ROR1: variants seen among roughly 807,000 people sequenced by gnomAD.
The protein encoded by ROR1 is inactive tyrosine-protein kinase transmembrane receptor ROR1.
A neutral mutation model predicts 78.8 loss-of-function variants in ROR1; 19 were observed. The observed-to-expected ratio is 0.24, with a 90% CI of 0.17 to 0.35. The LOEUF (loss-of-function observed/expected upper bound fraction) is 0.35, where lower values mean the gene tolerates loss of function less well. Ranked by LOEUF, ROR1 falls within the 10% of genes least tolerant of loss-of-function variation. ROR1 has a pLI of 1.00. For missense variants in ROR1, 917 were observed against 1,177.8 expected (o/e 0.78, Z 3.24); for synonymous variants, 386 against 433.6 (o/e 0.89, Z 1.36).
intron 2 of ROR1, among the ~76,000 whole-genome samples, chr1:64,035,396 A>C (rs1646694062): frequency 1.3e-5 from 2 of 152,174 alleles, no homozygotes; most frequent in Non-Finnish European, 2.9e-5. Context: ...TATATGCGAT[A>C]CCTTTCAGGG....
intron 1 of ROR1, chr1:63,843,165 G>T: frequency 9.6e-7 from 1 of 1,046,976 alleles, no homozygotes; most frequent in Non-Finnish European, 1.5e-6. Flanking sequence ...GCTGCCAGAT[G>T]CTCCAGGCAG....
intron 1 of ROR1, among the ~76,000 whole-genome samples, chr1:63,929,452 A>G (rs539178668): frequency 2.6e-5 from 4 of 152,224 alleles, no homozygotes; most frequent in Admixed American, 2.0e-4. Context: ...GGTTGCTTTC[A>G]TAAAACTTTG....
At chr1:63,958,961 T>A (rs1285274862) in intron 1 of ROR1, among the ~76,000 whole-genome samples, 1 of 152,088 alleles carries the variant, frequency 6.6e-6, no homozygotes, top group Admixed American at 6.6e-5. Context: ...AAACTAGAGA[T>A]CTGTTAGTAA....
At chr1:63,842,962 A>T (rs1222487657) in intron 1 of ROR1, among the ~76,000 whole-genome samples, 1 of 152,080 alleles carries the variant, frequency 6.6e-6, no homozygotes, top group Non-Finnish European at 1.5e-5. Context: ...TCAACCCAAG[A>T]GGAATAAGAA....
At chr1:64,063,265 A>T (rs778556711) in intron 4 of ROR1, among the ~76,000 whole-genome samples, 34 of 152,190 alleles carry the variant, frequency 2.2e-4, no homozygotes, top group Non-Finnish European at 4.6e-4. Context: ...TCGTCAACTC[A>T]TTATCTTCTG....
At chr1:63,806,782 A>G (rs1402800526) in intron 1 of ROR1, among the ~76,000 whole-genome samples, 1 of 152,178 alleles carries the variant, frequency 6.6e-6, no homozygotes, top group Non-Finnish European at 1.5e-5. Flanking sequence ...TTGTCTTGAC[A>G]GATTCACAGG....
intron 2 of ROR1, among the ~76,000 whole-genome samples, chr1:64,031,991 C>T (rs765651812): frequency 2.6e-5 from 4 of 152,070 alleles, no homozygotes; most frequent in African/African-American, 4.8e-5. Flanking sequence ...AATATTACCC[C>T]CTGGTTTCTT....
At chr1:63,857,651 C>T (rs1023975520) in intron 1 of ROR1, among the ~76,000 whole-genome samples, 1 of 152,172 alleles carries the variant, frequency 6.6e-6, no homozygotes. Context: ...AGCTGTGAGT[C>T]GTTGCATTCT....
chr1:64,095,460 G>A (rs1042443419), intron 4 of ROR1, among the ~76,000 whole-genome samples: 2 of 152,216 alleles, frequency 1.3e-5, no homozygotes, highest in African/African-American at 4.8e-5. Context: ...GCAGCAACAT[G>A]GGTGAATGCC....
chr1:64,178,623 G>A lies in ROR1; in HGVS notation c.2582G>A (p.Gly861Glu). ...AGTCGGTCCCCAAGCAGTGCCAGTG[G>A]GTCGACTAGCACTGGCCATGTGACT... ...PKSRSPSSAS[G>E]STSTGHVTSL... is the part of the protein sequence containing the mutation. Residue 861 changes from glycine (G) to glutamate (E), a missense_variant, in exon 9 of 9, where the codon GGG becomes GAG. Coordinates refer to ENST00000371079, the MANE Select transcript of ROR1 (RefSeq NM_005012.4). The surrounding 1 kb of genome is among the most constrained non-coding windows in gnomAD (Gnocchi z 4.3). 6.2e-7 allele frequency: 1 copy of A among 1,614,126 alleles called. No homozygotes were observed. Among genetic ancestry groups the A allele is most frequent in the East Asian group, 2.2e-5 (1 of 44,850 alleles).
intron 8 of ROR1, among the ~76,000 whole-genome samples, chr1:64,160,702 G>A (rs553209021): frequency 6.6e-6 from 1 of 152,322 alleles, no homozygotes; most frequent in Admixed American, 6.5e-5. Context: ...CATTCACCTA[G>A]TTGACCTGGC....
intron 1 of ROR1, among the ~76,000 whole-genome samples, chr1:63,851,221 G>T (rs1056434298): frequency 2.0e-5 from 3 of 152,080 alleles, no homozygotes; most frequent in Non-Finnish European, 4.4e-5. Context: ...CTGGTGATCC[G>T]CTAGCCTCGG....
At chr1:64,044,571 G>A (rs1041934590) in intron 2 of ROR1, among the ~76,000 whole-genome samples, 8 of 152,076 alleles carry the variant, frequency 5.3e-5, no homozygotes, top group Admixed American at 4.6e-4. Flanking sequence ...TGAATACATA[G>A]ATTTTTAATA....
chr1:64,132,826 G>T (rs1035982628), intron 4 of ROR1, among the ~76,000 whole-genome samples: 2 of 134,910 alleles, frequency 1.5e-5, no homozygotes, highest in East Asian at 2.4e-4. Flanking sequence ...TCCCCAAAAA[G>T]AATATTTTAG....
In ROR1 at chr1:63,927,778, A is replaced by G. The variant is rs890345909; in HGVS notation, c.92-81527A>G. 4.6e-5 allele frequency among the ~76,000 whole-genome samples: 7 copies of G among 152,166 alleles called. No individual in the cohort carries two copies. The East Asian group carries it at 1.3e-3, about 29-fold the overall frequency. ...GTGTACCCACTCCATTGCAATCATG[A>G]GGAATTTAAGTTTCAGGACATTCCA... On this transcript the variant is annotated intron_variant, in intron 1 of 8. Transcript: ENST00000371079.
chr1:63,986,647 C>T (rs1370024783), intron 1 of ROR1, among the ~76,000 whole-genome samples: 1 of 152,144 alleles, frequency 6.6e-6, no homozygotes, highest in Non-Finnish European at 1.5e-5. Flanking sequence ...AATCCCAACA[C>T]TTTGGGAGGT....
intron 1 of ROR1, among the ~76,000 whole-genome samples, chr1:63,833,181 A>T (rs1478222623): frequency 1.3e-5 from 2 of 152,202 alleles, no homozygotes; most frequent in African/African-American, 4.8e-5. Flanking sequence ...ACACTCAGTA[A>T]CAGGTAGCTG....
intron 1 of ROR1, among the ~76,000 whole-genome samples, chr1:63,984,233 C>T (rs868279232): frequency 1.3e-5 from 2 of 152,070 alleles, no homozygotes; most frequent in Non-Finnish European, 2.9e-5. Context: ...TCTCCTGAAG[C>T]GTACCCAGAC....
intron 1 of ROR1, among the ~76,000 whole-genome samples, chr1:63,827,766 T>G (rs1644964524): frequency 6.6e-6 from 1 of 152,166 alleles, no homozygotes; most frequent in South Asian, 2.1e-4. Flanking sequence ...CAGGGAAATT[T>G]AAACTGGGTG....
Sources: gnomAD v4.1 joint callset for allele counts (sites outside exome capture counted in the v4.1 genomes callset) on GRCh38, gnomAD v4.1.1 for gene constraint, Gnocchi (gnomAD v3.1) non-coding constraint, MANE v1.5 for transcripts, NCBI Gene and HGNC (gene_info 2026-07-23, HGNC 2026-07-21) for gene names.